Variants in SYT10 observed in about 807,000 individuals in gnomAD.
SYT10 encodes synaptotagmin-10.
Under a neutral mutation model 51.1 loss-of-function variants are expected in SYT10, and 31 were observed. That is an observed-to-expected ratio of 0.61 (90% CI 0.46 to 0.82). SYT10 has a LOEUF of 0.82. SYT10 is among the 40% of genes least tolerant of loss of function. SYT10 has a pLI of 0.00. For missense variants in SYT10, 603 were observed against 634.0 expected (o/e 0.95, Z 0.53); for synonymous variants, 233 against 225.9 (o/e 1.03, Z -0.28).
chr12:33,439,307 G>A (rs1389006858), intron 1 of SYT10, 65 bp downstream of exon 1: 6 of 1,551,176 alleles, frequency 3.9e-6, no homozygotes, highest in East Asian at 2.3e-5. Context: ...GAACCCCGGA[G>A]CTTGCAGCCT....
At chr12:33,404,805 A>G (rs1173758727) in intron 3 of SYT10, 1 of 152,218 alleles carries the variant, frequency 6.6e-6, no homozygotes, top group Non-Finnish European at 1.5e-5. Flanking sequence ...ACCAAACTGT[A>G]AAATGTTTGT....
At chr12:33,399,484 C>T (rs1191033059) in intron 3 of SYT10, among the ~76,000 whole-genome samples, 1 of 152,134 alleles carries the variant, frequency 6.6e-6, no homozygotes, top group Non-Finnish European at 1.5e-5. Context: ...TATTTTATAG[C>T]CGCTTACCTA....
At chr12:33,389,802 G>A (rs1249823437) in intron 3 of SYT10, among the ~76,000 whole-genome samples, 1 of 152,150 alleles carries the variant, frequency 6.6e-6, no homozygotes, top group East Asian at 1.9e-4. Flanking sequence ...GATCAAATGA[G>A]CTTCTTCATC....
At chr12:33,425,314 C>T (rs548236682) in intron 2 of SYT10, among the ~76,000 whole-genome samples, 7 of 151,960 alleles carry the variant, frequency 4.6e-5, no homozygotes, top group South Asian at 2.1e-4. Flanking sequence ...TTTGGCAACC[C>T]GAGAAAAATT....
chr12:33,394,020 G>GT (rs1866232708), intron 3 of SYT10, among the ~76,000 whole-genome samples: 1 of 152,212 alleles, frequency 6.6e-6, no homozygotes, highest in African/African-American at 2.4e-5. Flanking sequence ...GTTGATGGGT[G>GT]TAAGATCCTT....
chr12:33,439,357 A>G lies in SYT10; in HGVS notation c.151+15T>C. On this transcript the variant is annotated intron_variant, in intron 1 of 6. Transcript: ENST00000228567. ...CAGCGGAGCGCGAGGACGCGAGCGGAGCCCTCCCGGTTACCTGTGCTGCTT... is the reference window on the plus strand; with the variant it reads ...CAGCGGAGCGCGAGGACGCGAGCGGGGCCCTCCCGGTTACCTGTGCTGCTT... The G allele has an allele frequency of 6.2e-7, 1 of 1,607,722 alleles. No homozygotes were observed.
At chr12:33,433,207 T>C (rs1229613732) in intron 1 of SYT10, among the ~76,000 whole-genome samples, 1 of 152,170 alleles carries the variant, frequency 6.6e-6, no homozygotes, top group African/African-American at 2.4e-5. Flanking sequence ...AGACCTATAA[T>C]AATAACACTC....
chr12:33,407,021 TTC>T lies in SYT10; in HGVS notation c.843_844del (p.Lys282IlefsTer15). On this transcript the variant is annotated frameshift_variant, in exon 3 of 7. Coordinates refer to ENST00000228567, the MANE Select transcript of SYT10 (RefSeq NM_198992.4). LOFTEE classifies it high-confidence loss of function. ...CTTTCTGTGCACGCGGGTCTGAAAT[TTC>T]TTTTTCCTATCTGGAAGAAGATACA... 1 of 1,614,166 alleles carries T rather than the reference TTC, an allele frequency of 6.2e-7. No homozygotes were observed. Among genetic ancestry groups the T allele is most frequent in the Non-Finnish European group, 8.5e-7 (1 of 1,180,036 alleles).
Position 33,439,754 on chromosome 12 carries a change from T to C in SYT10, c.-232A>G, listed in dbSNP as rs1866670239. The C allele has an allele frequency of 3.8e-6, 2 of 523,632 alleles. No homozygotes were observed. Among genetic ancestry groups the C allele is most frequent in the Admixed American group, 7.5e-5 (2 of 26,826 alleles). The allele number at this position is 523,632 out of a possible 1,614,324, so 32.4% of individuals were successfully genotyped here. On this transcript the variant is annotated 5_prime_UTR_variant, in exon 1 of 7. Transcript: ENST00000228567. ...GAGGAGGCTGCGGCTGCCGCGAGGT[T>C]TGCGCCAACTCTCCCGCCGCGCGAG...
At chr12:33,431,067 G>A (rs759628887) in intron 1 of SYT10, among the ~76,000 whole-genome samples, 5 of 152,068 alleles carry the variant, frequency 3.3e-5, no homozygotes, top group African/African-American at 4.8e-5. Flanking sequence ...TTACATTTTT[G>A]CTCTACTATT....
chr12:33,381,558 A>G (rs937298080), intron 5 of SYT10, among the ~76,000 whole-genome samples: 1 of 152,206 alleles, frequency 6.6e-6, no homozygotes, highest in African/African-American at 2.4e-5. Context: ...TTGATGGGAC[A>G]AGAGTTCAGA....
intron 1 of SYT10, among the ~76,000 whole-genome samples, chr12:33,436,316 A>T (rs1866637074): frequency 6.6e-6 from 1 of 152,168 alleles, no homozygotes; most frequent in African/African-American, 2.4e-5. Flanking sequence ...ATTGAGATTA[A>T]TTTAGTGGGT....
chr12:33,400,589 A>T (rs112697601), intron 3 of SYT10, among the ~76,000 whole-genome samples: 12 of 151,512 alleles, frequency 7.9e-5, no homozygotes, highest in East Asian at 1.9e-4. Context: ...AAAAAAAAAA[A>T]TTTCATTGAA....
intron 6 of SYT10, among the ~76,000 whole-genome samples, chr12:33,378,264 C>T (rs896719027): frequency 1.3e-5 from 2 of 152,174 alleles, no homozygotes; most frequent in South Asian, 2.1e-4. Flanking sequence ...AAAAAAGTGT[C>T]TACACATTCT....
At chr12:33,416,243 G>C (rs1420889365) in intron 2 of SYT10, among the ~76,000 whole-genome samples, 3 of 151,960 alleles carry the variant, frequency 2.0e-5, no homozygotes, top group Admixed American at 1.3e-4. Context: ...ACCACGCCCC[G>C]CTGATTTTTT....
At chr12:33,433,355 A>G (rs903981169) in intron 1 of SYT10, among the ~76,000 whole-genome samples, 2 of 152,154 alleles carry the variant, frequency 1.3e-5, no homozygotes, top group African/African-American at 4.8e-5. Context: ...TACACTGTTA[A>G]TTACTTCACT....
intron 2 of SYT10, among the ~76,000 whole-genome samples, chr12:33,411,226 T>C (rs1034940303): frequency 1.3e-5 from 2 of 152,212 alleles, no homozygotes; most frequent in Non-Finnish European, 2.9e-5. Flanking sequence ...AATAACCATA[T>C]AAAATATTAA....
chr12:33,401,501 C>T (rs1365602966), intron 3 of SYT10, among the ~76,000 whole-genome samples: 1 of 151,966 alleles, frequency 6.6e-6, no homozygotes, highest in Non-Finnish European at 1.5e-5. Context: ...ATTGCTACTT[C>T]CTGAAAAATA....
chr12:33,387,721 G>T (rs995381415), intron 3 of SYT10, among the ~76,000 whole-genome samples: 4 of 150,518 alleles, frequency 2.7e-5, no homozygotes, highest in Non-Finnish European at 5.9e-5. Flanking sequence ...GCTGAAGAAG[G>T]AACACCCTTC....
Sources: allele counts gnomAD v4.1 joint callset (sites outside exome capture counted in the v4.1 genomes callset), GRCh38; gene constraint gnomAD v4.1.1; transcripts MANE v1.5; gene names NCBI Gene and HGNC (gene_info 2026-07-23, HGNC 2026-07-21).